The following XRCC6 variants were observed in gnomAD, a reference collection of about 807,000 sequenced individuals.
XRCC6 encodes DNA repair protein Ku70.
XRCC6 carries 5 observed loss-of-function variants against 65.7 expected under a neutral mutation model. The observed-to-expected ratio is 0.08, with a 90% CI of 0.04 to 0.16. The LOEUF is 0.16. Ranked by LOEUF, XRCC6 falls within the 10% of genes least tolerant of loss-of-function variation. The pLI is 1.00. For missense variants in XRCC6, 447 were observed against 738.1 expected (o/e 0.61, Z 4.57); for synonymous variants, 270 against 270.6 (o/e 1.00, Z 0.02).
intron 2 of XRCC6, among the ~76,000 whole-genome samples, chr22:41,627,603 C>G (rs980358207): frequency 2.5e-5 from 3 of 118,972 alleles, no homozygotes; most frequent in African/African-American, 1.0e-4. Context: ...GAGCGAGACT[C>G]CGTCTCAAAA....
chr22:41,661,803 G>A (rs1489252979), intron 12 of XRCC6: 1 of 167,134 alleles, frequency 6.0e-6, no homozygotes, highest in Non-Finnish European at 1.3e-5. Flanking sequence ...CATGTTTATT[G>A]CAGCACCATT....
At chr22:41,658,671 T>A (rs750603171) in intron 11 of XRCC6, among the ~76,000 whole-genome samples, 5 of 152,206 alleles carry the variant, frequency 3.3e-5, no homozygotes, top group Non-Finnish European at 7.3e-5. Flanking sequence ...ATCCCAGCAC[T>A]TTGGGAGGCC....
At chr22:41,621,438 G>A (rs975574982) in intron 1 of XRCC6, 93 bp downstream of exon 1, 2 of 163,284 alleles carry the variant, frequency 1.2e-5, no homozygotes, top group Non-Finnish European at 2.7e-5. Context: ...CCATAGCCTT[G>A]CTAGAGGGTT....
At chr22:41,657,523 ATTATTATTATTAT>A (rs1178203143) in intron 10 of XRCC6, among the ~76,000 whole-genome samples, 1 of 145,852 alleles carries the variant, frequency 6.9e-6, no homozygotes, top group Non-Finnish European at 1.5e-5. Context: ...TATTATTATT[ATTATTATTATTAT>A]TTTGAGACAG....
Position 41,628,239 on chromosome 22 carries a change from A to G in XRCC6, c.195+9A>G. On this transcript the variant is annotated intron_variant, in intron 3 of 12. Coordinates refer to ENST00000360079, the MANE Select transcript of XRCC6 (RefSeq NM_001469.5). Reference sequence around the variant, plus strand: ...TTGACATGAGCATCCAGGTAAGACTACCTTTTAATTTAAGACAAATTTAAA... The same window carrying G: ...TTGACATGAGCATCCAGGTAAGACTGCCTTTTAATTTAAGACAAATTTAAA... 1.9e-6 allele frequency: 3 copies of G among 1,602,866 alleles called. No homozygotes were observed. Among genetic ancestry groups the G allele is most frequent in the Non-Finnish European group, 1.7e-6 (2 of 1,173,018 alleles).
intron 11 of XRCC6, 89 bp from the exon 12 acceptor site, chr22:41,661,242 C>A: frequency 8.7e-7 from 1 of 1,146,726 alleles, no homozygotes; most frequent in Non-Finnish European, 1.3e-6. Flanking sequence ...TAGGTGCTCT[C>A]TCTTCTGGTT....
chr22:41,652,449 T>C (rs1601552371), intron 8 of XRCC6, among the ~76,000 whole-genome samples: 1 of 151,340 alleles, frequency 6.6e-6, no homozygotes, highest in East Asian at 2.0e-4. Context: ...CACTGCAGTC[T>C]CAAGCTCCCA....
rs386395480 is a variant in XRCC6 at position 41,639,329 on chromosome 22, C to CTTTTTTTTTTTTTTT, written c.773+1549_773+1563dup. ...GGAACCAGATTGCTAGATTCTTTTT[C>CTTTTTTTTTTTTTTT]TTTTTTTTTTTTTTTTTTTTTTTTT... On this transcript the variant is annotated intron_variant, in intron 6 of 12. Transcript: ENST00000360079. Among the ~76,000 whole-genome samples, 230 of 64,586 alleles carry CTTTTTTTTTTTTTTT rather than the reference C, an allele frequency of 3.6e-3. 44 individuals carry two copies. The highest frequency in any genetic ancestry group is 7.3e-3 in the African/African-American group (119 of 16,318). The allele number at this position is 64,586 out of a possible 152,430, so 42.4% of individuals were successfully genotyped here. A position where few individuals can be genotyped will look rare whatever the true frequency, so the allele number is the denominator to read the frequency against.
intron 1 of XRCC6, 26 bp from the exon 2 acceptor site, chr22:41,621,964 T>C (rs528964413): frequency 1.2e-6 from 2 of 1,610,194 alleles, no homozygotes; most frequent in South Asian, 1.1e-5. Flanking sequence ...ATTTGCCTGT[T>C]ACTGACGTTA....
At chr22:41,654,453 C>T (rs1169199339) in intron 9 of XRCC6, among the ~76,000 whole-genome samples, 1 of 152,150 alleles carries the variant, frequency 6.6e-6, no homozygotes, top group East Asian at 1.9e-4. Context: ...AGCTGGCTCT[C>T]AGGCTGTGTC....
intron 2 of XRCC6, among the ~76,000 whole-genome samples, chr22:41,623,367 C>T (rs1487825749): frequency 6.6e-6 from 1 of 152,138 alleles, no homozygotes; most frequent in Non-Finnish European, 1.5e-5. Flanking sequence ...TCATGAGCCT[C>T]CATGCCCAGA....
At chr22:41,658,007 A>G (rs1474095293) in intron 10 of XRCC6, among the ~76,000 whole-genome samples, 3 of 151,848 alleles carry the variant, frequency 2.0e-5, no homozygotes, top group Non-Finnish European at 4.4e-5. Context: ...AATTTTTTGT[A>G]GAGACAGGGT....
At chr22:41,630,775 T>C (rs8137031) in intron 3 of XRCC6, among the ~76,000 whole-genome samples, 21,014 of 152,068 alleles carry the variant, frequency 0.14, 3,992 homozygotes, top group African/African-American at 0.43. Context: ...CACAGGGTTG[T>C]GGGGTAAGGT....
intron 11 of XRCC6, among the ~76,000 whole-genome samples, chr22:41,659,453 G>A (rs1280157724): frequency 6.6e-6 from 1 of 151,880 alleles, no homozygotes; most frequent in Non-Finnish European, 1.5e-5. Flanking sequence ...TGATCCGCCC[G>A]CCTTGGCCTC....
intron 11 of XRCC6, 23 bp downstream of exon 11, chr22:41,658,375 T>C (rs1337427927): frequency 1.2e-6 from 2 of 1,604,994 alleles, no homozygotes; most frequent in East Asian, 2.2e-5. Context: ...AATAGAGTAG[T>C]TCTTTTCATG....
At chr22:41,624,958 C>T (rs2067653693) in intron 2 of XRCC6, among the ~76,000 whole-genome samples, 1 of 152,040 alleles carries the variant, frequency 6.6e-6, no homozygotes, top group Non-Finnish European at 1.5e-5. Context: ...GATTGCGCCA[C>T]TGCTCTCCAG....
chr22:41,632,120 A>AGG (rs1407147721), intron 3 of XRCC6, among the ~76,000 whole-genome samples: 95 of 150,612 alleles, frequency 6.3e-4, no homozygotes, highest in Non-Finnish European at 1.1e-3. Context: ...AGACCGTGGA[A>AGG]AGAGAGGGAG....
chr22:41,661,347 A>G lies in XRCC6; in HGVS notation c.1539A>G (p.Ala513=), dbSNP rs760349845. 4 of 1,613,792 alleles carry G rather than the reference A, an allele frequency of 2.5e-6. No individual in the cohort carries two copies. Among genetic ancestry groups the G allele is most frequent in the Non-Finnish European group, 3.4e-6 (4 of 1,179,918 alleles). ...ATTTTCTAGTGCCCAAGGTTGAAGC[A>G]ATGAATAAAAGACTGGGCTCCTTGG... ...AVDLTLPKVE[A]MNKRLGSLVD... is the part of the protein sequence containing the mutation. Residue 513 remains alanine (A), a synonymous_variant, in exon 12 of 13, where the codon GCA becomes GCG. Coordinates refer to ENST00000360079, the MANE Select transcript of XRCC6 (RefSeq NM_001469.5).
chr22:41,657,492 TA>T (rs1445493979), intron 10 of XRCC6, among the ~76,000 whole-genome samples: 82 of 10,162 alleles, frequency 8.1e-3, no homozygotes, highest in Non-Finnish European at 7.6e-3. Context: ...TTTAAAAATT[TA>T]TTATTATTAT....
Sources: gnomAD v4.1 joint callset for allele counts (sites outside exome capture counted in the v4.1 genomes callset) on GRCh38, gnomAD v4.1.1 for gene constraint, MANE v1.5 for transcripts, NCBI Gene and HGNC (gene_info 2026-07-23, HGNC 2026-07-21) for gene names.